Variants in AUH observed in about 807,000 individuals in gnomAD.
The protein encoded by AUH is AU RNA binding methylglutaconyl-CoA hydratase.
Under a neutral mutation model 42.3 loss-of-function variants are expected in AUH, and 29 were observed. The ratio of observed to expected loss-of-function variants is 0.69; its 90% confidence interval spans 0.51 to 0.93. The LOEUF is 0.93. Ranked by LOEUF, AUH falls within the 40% of genes least tolerant of loss-of-function variation. AUH has a pLI of 0.00. For missense variants in AUH, 452 were observed against 438.1 expected, an observed-to-expected ratio of 1.03 and a Z score of -0.28; for synonymous variants, 174 against 166.4, an observed-to-expected ratio of 1.05 and a Z score of -0.35.
intron 9 of AUH, among the ~76,000 whole-genome samples, chr9:91,215,538 T>C (rs1420640390): frequency 6.6e-6 from 1 of 152,198 alleles, no homozygotes; most frequent in Non-Finnish European, 1.5e-5. Flanking sequence ...TTTTTTTTCC[T>C]GAATATTTTC....
chr9:91,272,598 C>T lies in AUH; in HGVS notation c.655+23423G>A, dbSNP rs546036598. 7.9e-5 allele frequency among the ~76,000 whole-genome samples: 12 copies of T among 152,324 alleles called. No homozygotes were observed. The East Asian group carries it at 1.2e-3, about 15-fold the overall frequency. On this transcript the variant is annotated intron_variant, in intron 6 of 9. Coordinates refer to ENST00000375731, the MANE Select transcript of AUH (RefSeq NM_001698.3). ...ACCCGATACCCATTCTAATAACCTT[C>T]TCATTCACATTCTTTCTCCCATCTT...
At position 91,292,981 on chromosome 9, in the gene AUH, T is replaced by C. The variant is rs143365620; in HGVS notation, c.655+3040A>G. On this transcript the variant is annotated intron_variant, in intron 6 of 9. Transcript: ENST00000375731. Reference sequence around the variant, plus strand: ...TTTCAAACCTTTTCATTATTGTATCTCTTATGGTAACCTGTGATCATTAAT... The same window carrying C: ...TTTCAAACCTTTTCATTATTGTATCCCTTATGGTAACCTGTGATCATTAAT... 9.4e-4 allele frequency among the ~76,000 whole-genome samples: 143 copies of C among 152,324 alleles called. 1 individual carries two copies. The East Asian group carries it at 0.024, about 26-fold the overall frequency.
chr9:91,225,842 G>C (rs1476766211), intron 6 of AUH, among the ~76,000 whole-genome samples: 1 of 151,834 alleles, frequency 6.6e-6, no homozygotes, highest in Non-Finnish European at 1.5e-5. Flanking sequence ...TGAGAATGAC[G>C]ATTTCCAATT....
intron 6 of AUH, among the ~76,000 whole-genome samples, chr9:91,250,077 GA>G (rs138894846): frequency 1.3e-5 from 2 of 151,390 alleles, no homozygotes; most frequent in East Asian, 2.0e-4. Flanking sequence ...TAGAAAGAAG[GA>G]AAAAAAATGA....
chr9:91,314,504 AAAC>A (rs1370401788), intron 4 of AUH, among the ~76,000 whole-genome samples: 5 of 151,738 alleles, frequency 3.3e-5, no homozygotes, highest in African/African-American at 9.7e-5. Context: ...AAAAAAAAAA[AAAC>A]ACCTTAAAAC....
chr9:91,279,060 C>T (rs1221991447), intron 6 of AUH, among the ~76,000 whole-genome samples: 1 of 152,006 alleles, frequency 6.6e-6, no homozygotes, highest in African/African-American at 2.4e-5. Context: ...TGTATATATG[C>T]CAAAACTTAT....
At chr9:91,321,147 A>T (rs1829538244) in intron 4 of AUH, among the ~76,000 whole-genome samples, 2 of 152,168 alleles carry the variant, frequency 1.3e-5, no homozygotes, top group South Asian at 4.1e-4. Flanking sequence ...TTTGGCTAGT[A>T]ATCTTCAGGT....
chr9:91,310,168 T>C (rs1318872645), intron 4 of AUH, among the ~76,000 whole-genome samples: 3 of 152,198 alleles, frequency 2.0e-5, no homozygotes, highest in Non-Finnish European at 2.9e-5. Context: ...TTTACCACAA[T>C]AGACATTCCA....
intron 5 of AUH, among the ~76,000 whole-genome samples, chr9:91,297,418 G>C (rs750145455): frequency 4.6e-5 from 7 of 152,096 alleles, no homozygotes; most frequent in Non-Finnish European, 8.8e-5. Flanking sequence ...TGGACTTCAA[G>C]GAGATTCAGT....
rs1832871914 is a variant in AUH, at chr9:91,361,694, C to G, written c.196G>C (p.Gly66Arg). 6.4e-7 allele frequency: 1 copy of G among 1,566,446 alleles called. No individual in the cohort carries two copies. Among genetic ancestry groups the G allele is most frequent in the Admixed American group, 1.9e-5 (1 of 53,126 alleles). Residue 66 changes from glycine (G) to arginine (R), a missense_variant, in exon 1 of 10, where the codon GGC (glycine) becomes CGC (arginine). By Grantham distance (125) the Gly-to-Arg change is moderately radical (BLOSUM62 -2). Transcript: ENST00000375731. Reference protein sequence around the residue: ...PAAGGPAPKRGYSSEMKTEDE... With the variant: ...PAAGGPAPKRRYSSEMKTEDE... ...TCCGTCTTCATCTCAGAGCTGTAGCCCCTTTTCGGGGCGGGACCCCCGGCC... is the reference window on the plus strand; with the variant it reads ...TCCGTCTTCATCTCAGAGCTGTAGCGCCTTTTCGGGGCGGGACCCCCGGCC...
chr9:91,266,446 C>T (rs1829984351), intron 6 of AUH, among the ~76,000 whole-genome samples: 1 of 152,028 alleles, frequency 6.6e-6, no homozygotes, highest in Non-Finnish European at 1.5e-5. Flanking sequence ...GTAAAGACCA[C>T]AATGAAAGGT....
At chr9:91,340,010 C>A (rs1350148239) in intron 3 of AUH, among the ~76,000 whole-genome samples, 1 of 152,148 alleles carries the variant, frequency 6.6e-6, no homozygotes, top group East Asian at 1.9e-4. Context: ...GTAAAATGCA[C>A]TAGGGTTCCC....
intron 6 of AUH, among the ~76,000 whole-genome samples, chr9:91,247,160 C>G (rs1308245793): frequency 6.6e-6 from 1 of 152,196 alleles, no homozygotes; most frequent in Non-Finnish European, 1.5e-5. Context: ...ACATGGCTGG[C>G]AAACTCTCCT....
intron 4 of AUH, among the ~76,000 whole-genome samples, chr9:91,302,415 C>A (rs1827861052): frequency 6.6e-6 from 1 of 152,082 alleles, no homozygotes. Context: ...CATAGAGAAA[C>A]CCCATCTCTA....
At chr9:91,351,713 G>A (rs1424078732) in intron 3 of AUH, among the ~76,000 whole-genome samples, 1 of 152,186 alleles carries the variant, frequency 6.6e-6, no homozygotes, top group Non-Finnish European at 1.5e-5. Flanking sequence ...GATTCTCATA[G>A]GAGCACAAAC....
chr9:91,322,749 C>T (rs1341177662), intron 4 of AUH, among the ~76,000 whole-genome samples: 1 of 152,132 alleles, frequency 6.6e-6, no homozygotes, highest in Non-Finnish European at 1.5e-5. Flanking sequence ...ATTAAAAGCT[C>T]AATCTCCTTT....
chr9:91,311,925 G>A (rs1828727636), intron 4 of AUH, among the ~76,000 whole-genome samples: 1 of 152,070 alleles, frequency 6.6e-6, no homozygotes, highest in South Asian at 2.1e-4. Flanking sequence ...AAGAGGGAAG[G>A]GGACTTGTAA....
At chr9:91,285,889 T>G (rs985674368) in intron 6 of AUH, among the ~76,000 whole-genome samples, 6 of 152,126 alleles carry the variant, frequency 3.9e-5, no homozygotes, top group African/African-American at 1.4e-4. Context: ...GTGCCAGCTT[T>G]AAGGAAGTCA....
rs1372364431 is a variant in AUH, at chr9:91,239,092, G to T, written c.656-18100C>A. On this transcript the variant is annotated intron_variant, in intron 6 of 9. Transcript: ENST00000375731. Reference sequence around the variant, plus strand: ...GTGTAAAGAACTGACCATACCTTATGACTTTGGATTATAAAGTATGTTTTA... The same window carrying T: ...GTGTAAAGAACTGACCATACCTTATTACTTTGGATTATAAAGTATGTTTTA... Among the ~76,000 whole-genome samples the T allele has an allele frequency of 2.0e-5, 3 of 151,720 alleles. No individual in the cohort carries two copies. The East Asian group carries it at 5.8e-4, about 29-fold the overall frequency.
Sources: allele counts gnomAD v4.1 joint callset (sites outside exome capture counted in the v4.1 genomes callset), GRCh38; gene constraint gnomAD v4.1.1; transcripts MANE v1.5; gene names NCBI Gene and HGNC (gene_info 2026-07-23, HGNC 2026-07-21).